Variants in EVC2 observed in about 807,000 individuals in gnomAD.
The protein encoded by EVC2 is limbin.
In EVC2, 148 loss-of-function variants were observed where a neutral mutation model predicts 149.3. That is an observed-to-expected ratio of 0.99 (90% CI 0.87 to 1.14). The LOEUF is 1.14. Ranked by LOEUF, EVC2 falls within the 50% of genes most tolerant of loss-of-function variation. EVC2 has a pLI of 0.00. For missense variants in EVC2, 1,854 were observed against 1,627.3 expected (o/e 1.14, Z -2.40); for synonymous variants, 776 against 649.9 (o/e 1.19, Z -2.95).
In EVC2 at chr4:5,613,504, C is replaced by T. The variant is rs1015448875; in HGVS notation, c.2829+1918G>A. 1.3e-5 allele frequency among the ~76,000 whole-genome samples: 2 copies of T among 152,106 alleles called. No individual in the cohort carries two copies. Reference sequence around the variant, plus strand: ...CCAGGAGCTCAATGTGCACAGGACCCGACCTCTCTCCAGCTCTCTCCTCTT... The same window carrying T: ...CCAGGAGCTCAATGTGCACAGGACCTGACCTCTCTCCAGCTCTCTCCTCTT... On this transcript the variant is annotated intron_variant, in intron 16 of 21. Coordinates refer to ENST00000344408, the MANE Select transcript of EVC2 (RefSeq NM_147127.5). This position sits in a 1 kb window ranked among gnomAD's most constrained non-coding sequence, Gnocchi z 4.6.
rs1217493048 is a variant in EVC2, at chr4:5,565,318, C to T, written c.3599G>A (p.Arg1200Gln). The change falls in exon 21 of 22, where the codon CGA becomes CAA. Residue 1200 changes from arginine (R) to glutamine (Q), a missense_variant. Coordinates refer to ENST00000344408, the MANE Select transcript of EVC2 (RefSeq NM_147127.5). ...TAATCCTCTGCTTATCAGATCTCCT[C>T]GCAGTTTGCCATCTAAGGCTTGCCA... ...SWWQALDGKL[R>Q]GDLISRGLEK... 6 of 1,614,082 alleles carry T rather than the reference C, an allele frequency of 3.7e-6. No homozygotes were observed. The highest frequency in any genetic ancestry group is 5.1e-6 in the Non-Finnish European group (6 of 1,180,016).
At chr4:5,627,288 G>A (rs1425656684) in intron 12 of EVC2, among the ~76,000 whole-genome samples, 1 of 152,208 alleles carries the variant, frequency 6.6e-6, no homozygotes, top group Non-Finnish European at 1.5e-5. Flanking sequence ...AATAGAATTT[G>A]AAAAGAAGAG....
In EVC2 at chr4:5,565,348, C is replaced by T; in HGVS notation, c.3569G>A (p.Ser1190Asn). 6.2e-7 allele frequency: 1 copy of T among 1,614,038 alleles called. No homozygotes were observed. Among genetic ancestry groups the T allele is most frequent in the Non-Finnish European group, 8.5e-7 (1 of 1,179,980 alleles). ...TTTGCCATCTAAGGCTTGCCACCAG[C>T]TCTGGTGTTTCCTGCAGGCAAGAAG... ...ADVGRRRKHQ[S>N]WWQALDGKLR... The change falls in exon 21 of 22, where the codon AGC (serine) becomes AAC (asparagine). Residue 1190 changes from serine (S) to asparagine (N), a missense_variant. Transcript: ENST00000344408.
intron 16 of EVC2, among the ~76,000 whole-genome samples, chr4:5,593,381 G>A (rs1713019050): frequency 6.6e-6 from 1 of 152,094 alleles, no homozygotes; most frequent in Non-Finnish European, 1.5e-5. Context: ...ACTCCTGTTT[G>A]AAAACTTGCC....
At chr4:5,552,385 T>C (rs1577088769) in intron 21 of EVC2, among the ~76,000 whole-genome samples, 1 of 152,366 alleles carries the variant, frequency 6.6e-6, no homozygotes. Context: ...TCCTTCCTGG[T>C]GTACCTTTTT....
At chr4:5,705,031 A>G (rs1722046227) in intron 1 of EVC2, among the ~76,000 whole-genome samples, 1 of 152,110 alleles carries the variant, frequency 6.6e-6, no homozygotes, top group Admixed American at 6.5e-5. Flanking sequence ...TCAGAATTCC[A>G]AGGCTGCAGT....
intron 9 of EVC2, among the ~76,000 whole-genome samples, chr4:5,662,070 C>T (rs891669928): frequency 6.6e-6 from 1 of 152,130 alleles, no homozygotes; most frequent in African/African-American, 2.4e-5. Context: ...GGCCTCTCTC[C>T]CCTGCTGCCT....
At position 5,581,191 on chromosome 4, in the gene EVC2, C is replaced by T. The variant is rs527627786; in HGVS notation, c.3057+3432G>A. The stretch of plus-strand genomic sequence containing the variant: ...ATAGCAATGTGAGAACAGACTAATA[C>T]AGAAAATTGGTACTGAGGAGTGGAC... On this transcript the variant is annotated intron_variant, in intron 17 of 21. Transcript: ENST00000344408. Among the ~76,000 whole-genome samples the T allele has an allele frequency of 2.0e-5, 3 of 152,130 alleles. No homozygotes were observed. The South Asian group carries it at 6.2e-4, about 32-fold the overall frequency.
chr4:5,589,811 G>A (rs141839155), intron 16 of EVC2, among the ~76,000 whole-genome samples: 60 of 152,142 alleles, frequency 3.9e-4, no homozygotes, highest in African/African-American at 1.1e-3. Flanking sequence ...TCCCTCATAG[G>A]GTTATTCTGA....
In EVC2 at chr4:5,670,610, T is replaced by A. The variant is rs1405341506; in HGVS notation, c.871-4961A>T. Among the ~76,000 whole-genome samples the A allele has an allele frequency of 2.0e-5, 3 of 151,122 alleles. No individual in the cohort carries two copies. The highest frequency in any genetic ancestry group is 7.3e-5 in the African/African-American group (3 of 41,004). ...AACATCATCAATATCACCATCACCA[T>A]CATCTTCACCATCACCATCACTACC... is the stretch of plus-strand genomic sequence containing the variant. On this transcript the variant is annotated intron_variant, in intron 7 of 21. Transcript: ENST00000344408. The surrounding 1 kb of genome is among the most constrained non-coding windows in gnomAD (Gnocchi z 5.2).
At chr4:5,703,150 A>C (rs1721934877) in intron 1 of EVC2, among the ~76,000 whole-genome samples, 1 of 152,220 alleles carries the variant, frequency 6.6e-6, no homozygotes, top group African/African-American at 2.4e-5. Context: ...TACAGACAAG[A>C]GCTAAGTTCC....
In EVC2 at chr4:5,569,456, T is replaced by C. The variant is rs1475024036; in HGVS notation, c.3361-816A>G. On this transcript the variant is annotated intron_variant, in intron 19 of 21. Coordinates refer to ENST00000344408, the MANE Select transcript of EVC2 (RefSeq NM_147127.5). This position sits in a 1 kb window ranked among gnomAD's most constrained non-coding sequence, Gnocchi z 4.8. ...TTGAGTGAAACTCTCTGAAACTCTA[T>C]ACTAGCTTTGTAACTTCTTGTGAAT... Among the ~76,000 whole-genome samples the C allele has an allele frequency of 1.3e-5, 2 of 152,238 alleles. No homozygotes were observed. The highest frequency in any genetic ancestry group is 4.8e-5 in the African/African-American group (2 of 41,474).
At chr4:5,681,465 G>A (rs1208309912) in intron 6 of EVC2, 152 bp from the exon 7 acceptor site, 2 of 796,846 alleles carry the variant, frequency 2.5e-6, no homozygotes, top group Non-Finnish European at 4.2e-6. Context: ...TCACCATCAG[G>A]AGGAAGGGGC....
intron 9 of EVC2, among the ~76,000 whole-genome samples, chr4:5,650,941 G>A (rs1213811674): frequency 6.6e-6 from 1 of 152,086 alleles, no homozygotes; most frequent in South Asian, 2.1e-4. Context: ...CATTGTTGTT[G>A]CTGCTGTTAT....
chr4:5,649,941 G>A (rs1344013708), intron 9 of EVC2, among the ~76,000 whole-genome samples: 1 of 152,158 alleles, frequency 6.6e-6, no homozygotes, highest in Non-Finnish European at 1.5e-5. Context: ...GTAATGAGAG[G>A]TTAAATGAGA....
chr4:5,574,748 A>C lies in EVC2; in HGVS notation c.3297T>G (p.Ser1099Arg), dbSNP rs763047884. 8.7e-6 allele frequency: 14 copies of C among 1,614,038 alleles called. No individual in the cohort carries two copies. In the African/African-American group the frequency reaches 1.7e-4, roughly 20 times the overall value. ...QQCLREEQQN[S>R]VVLEDLLENM... ...TTTCCAACAAGTCTTCTAGCACGACACTGTTCTGTTGTTCCTCTCTCAAAC... is the reference window on the plus strand; with the variant it reads ...TTTCCAACAAGTCTTCTAGCACGACCCTGTTCTGTTGTTCCTCTCTCAAAC... Residue 1099 changes from serine (S) to arginine (R), a missense_variant, in exon 19 of 22, where the codon AGT becomes AGG. Coordinates refer to ENST00000344408, the MANE Select transcript of EVC2 (RefSeq NM_147127.5).
chr4:5,599,406 T>G (rs1015998137), intron 16 of EVC2, among the ~76,000 whole-genome samples: 2 of 152,184 alleles, frequency 1.3e-5, no homozygotes, highest in African/African-American at 4.8e-5. Context: ...AAATGATGAG[T>G]TCATGTCATT....
intron 9 of EVC2, among the ~76,000 whole-genome samples, chr4:5,656,639 C>T (rs981256533): frequency 6.6e-6 from 1 of 152,128 alleles, no homozygotes; most frequent in Non-Finnish European, 1.5e-5. Context: ...AAGTTGGCCA[C>T]AAGCCAAGAA....
At position 5,637,315 on chromosome 4, in the gene EVC2, C is replaced by T. The variant is rs919889554; in HGVS notation, c.1470+3199G>A. Among the ~76,000 whole-genome samples the T allele has an allele frequency of 3.3e-5, 5 of 152,150 alleles. No homozygotes were observed. The South Asian group carries it at 6.2e-4, about 19-fold the overall frequency. On this transcript the variant is annotated intron_variant, in intron 10 of 21. Transcript: ENST00000344408. This position sits in a 1 kb window ranked among gnomAD's most constrained non-coding sequence, Gnocchi z 4.4. ...CTCCACTGCAGGAGGGGGCAGTGTG[C>T]GCAGTGGTTGGGGGCATGCTGCTGG...
Sources: gnomAD v4.1 joint callset for allele counts (sites outside exome capture counted in the v4.1 genomes callset) on GRCh38, gnomAD v4.1.1 for gene constraint, Gnocchi (gnomAD v3.1) non-coding constraint, MANE v1.5 for transcripts, NCBI Gene and HGNC (gene_info 2026-07-23, HGNC 2026-07-21) for gene names.